CEP131: variants seen among roughly 807,000 people sequenced by gnomAD.
The protein encoded by CEP131 is centrosomal protein of 131 kDa.
CEP131 carries 99 observed loss-of-function variants against 136.8 expected under a neutral mutation model. The ratio of observed to expected loss-of-function variants is 0.72; its 90% CI spans 0.62 to 0.86. The LOEUF (loss-of-function observed/expected upper bound fraction) is 0.86, where lower values mean the gene tolerates loss of function less well. Ranked by LOEUF, CEP131 falls within the 40% of genes least tolerant of loss-of-function variation. The pLI, the probability that CEP131 is intolerant of heterozygous loss-of-function variation, is 0.00. For missense variants in CEP131, 1,459 were observed against 1,463.0 expected, an observed-to-expected ratio of 1.00 and a Z score of 0.04; for synonymous variants, 646 against 612.7, an observed-to-expected ratio of 1.05 and a Z score of -0.80.
At position 81,195,834 on chromosome 17, in the gene CEP131, C is replaced by A; in HGVS notation, c.2016+1G>T. On this transcript the variant is annotated splice_donor_variant, in intron 16 of 25. Coordinates refer to ENST00000450824, the MANE Select transcript of CEP131 (RefSeq NM_014984.4). LOFTEE classifies it high-confidence loss of function. ...CCGTGCAGTAGGGAGCAAAGCCTCA[C>A]CAGCTCGTGCTGCGCCTGTGCCTGG... 1.2e-6 allele frequency: 2 copies of A among 1,602,168 alleles called. No homozygotes were observed. Among genetic ancestry groups the A allele is most frequent in the Non-Finnish European group, 1.7e-6 (2 of 1,179,516 alleles).
Position 81,207,171 on chromosome 17 carries a change from C to A in CEP131, c.341G>T (p.Ser114Ile). The change falls in exon 4 of 26, where the codon AGC (serine) becomes ATC (isoleucine). Residue 114 changes from serine to isoleucine, a missense_variant. This residue lies in a region of CEP131 where 187 missense variants were observed against 179.9 expected (regional missense o/e 1.04). Transcript: ENST00000450824. The stretch of plus-strand genomic sequence containing the variant: ...CTTCTCGCTGGGGGCTGTGCTCAGG[C>A]TGGCAGGCCTCTTTTTCCCACTGGG... ...GSPSGKKRPA[S>I]LSTAPSEKGA... is the part of the protein sequence containing the mutation. 5 of 1,613,774 alleles carry A rather than the reference C, an allele frequency of 3.1e-6. No homozygotes were observed. Among genetic ancestry groups the A allele is most frequent in the Non-Finnish European group, 4.2e-6 (5 of 1,179,932 alleles).
chr17:81,202,493 G>A (rs2061915292), intron 6 of CEP131, 95 bp from the exon 7 acceptor site: 2 of 1,433,684 alleles, frequency 1.4e-6, no homozygotes, highest in Non-Finnish European at 1.9e-6. Context: ...TCCCAGGACT[G>A]AGCCTGGAAG....
intron 21 of CEP131, 128 bp from the exon 22 acceptor site, chr17:81,191,463 C>A (rs2061640651): frequency 1.2e-6 from 1 of 838,180 alleles, no homozygotes; most frequent in African/African-American, 1.7e-5. Flanking sequence ...TCCCCCTCTC[C>A]AGACCCCTGT....
intron 2 of CEP131, among the ~76,000 whole-genome samples, chr17:81,212,301 G>A (rs1391705387): frequency 3.6e-5 from 5 of 138,504 alleles, no homozygotes; most frequent in African/African-American, 1.3e-4. Flanking sequence ...CAGCCTGGGC[G>A]ACAGAGCAAG....
rs1276237734 is a variant in CEP131 at position 81,207,112 on chromosome 17, T to G, written c.387+13A>C. ...ACAGAGACCAGGACGTGGGGCCGCA[T>G]GCACCACCTTACCAGGACGTTCCAG... On this transcript the variant is annotated intron_variant, in intron 4 of 25. Coordinates refer to ENST00000450824, the MANE Select transcript of CEP131 (RefSeq NM_014984.4). 8 of 1,605,324 alleles carry G rather than the reference T, an allele frequency of 5.0e-6. No individual in the cohort carries two copies. In the African/African-American group the frequency reaches 1.1e-4, roughly 22 times the overall value.
intron 24 of CEP131, among the ~76,000 whole-genome samples, chr17:81,190,342 C>T (rs1042364474): frequency 6.6e-5 from 10 of 152,188 alleles, no homozygotes; most frequent in East Asian, 1.9e-4. Flanking sequence ...AGCGCCTGTC[C>T]ACCCAGCCCA....
At chr17:81,198,446 A>C (rs2146556254) in intron 11 of CEP131, 149 bp from the exon 12 acceptor site, 1 of 823,598 alleles carries the variant, frequency 1.2e-6, no homozygotes, top group Middle Eastern at 3.7e-4. Context: ...CAGGGCTCAG[A>C]CCTTCCCACC....
chr17:81,205,266 AAAAC>A (rs1282759315), intron 5 of CEP131, among the ~76,000 whole-genome samples: 3 of 151,830 alleles, frequency 2.0e-5, no homozygotes, highest in South Asian at 4.2e-4. Context: ...CTCAAAAACA[AAAAC>A]AAACAAACAA....
intron 22 of CEP131, 43 bp from the exon 23 acceptor site, chr17:81,191,127 C>T (rs772201366): frequency 3.7e-6 from 6 of 1,604,138 alleles, no homozygotes; most frequent in East Asian, 2.2e-5. Flanking sequence ...CCCAGTCACA[C>T]ACGGGTCCTT....
intron 5 of CEP131, among the ~76,000 whole-genome samples, chr17:81,204,472 A>G (rs2061961082): frequency 6.6e-6 from 1 of 152,088 alleles, no homozygotes; most frequent in African/African-American, 2.4e-5. Context: ...GTAGGTGGGG[A>G]TACTCAACAA....
Position 81,192,795 on chromosome 17 carries a change from C to T in CEP131, c.2370G>A (p.Arg790=). Residue 790 remains arginine (R), a synonymous_variant, in exon 19 of 26, where the codon CGG becomes CGA. Transcript: ENST00000450824. ...CAGCCACCTCACTGTACAGCCGCTG[C>T]CGTTGCTGCTGCAGCGCCCACTGCT... ...EQEQWALQQQ[R]QRLYSEVAEE... is the part of the protein sequence containing the mutation. The T allele has an allele frequency of 6.3e-7, 1 of 1,598,494 alleles. No homozygotes were observed. The highest frequency in any genetic ancestry group is 8.5e-7 in the Non-Finnish European group (1 of 1,179,058).
rs1048516791 is a variant in CEP131, at chr17:81,203,262, G to A, written c.629+232C>T. ...CGACCCAAGAACAGAAGAGGGCGGC[G>A]GACGTGGATGGGGAGCCCGGTTCAC... is the stretch of plus-strand genomic sequence containing the variant. On this transcript the variant is annotated intron_variant, in intron 6 of 25. Coordinates refer to ENST00000450824, the MANE Select transcript of CEP131 (RefSeq NM_014984.4). This position sits in a 1 kb window ranked among gnomAD's most constrained non-coding sequence, Gnocchi z 4.6. Among the ~76,000 whole-genome samples the A allele has an allele frequency of 2.0e-5, 3 of 152,204 alleles. No homozygotes were observed. The highest frequency in any genetic ancestry group is 4.8e-5 in the African/African-American group (2 of 41,448).
At chr17:81,210,786 T>C (rs886538857) in intron 2 of CEP131, among the ~76,000 whole-genome samples, 18 of 146,920 alleles carry the variant, frequency 1.2e-4, no homozygotes, top group Admixed American at 2.7e-4. Flanking sequence ...TATTTTTAAA[T>C]CTGAATCCTT....
Position 81,194,951 on chromosome 17 carries a change from A to G in CEP131, c.2038T>C (p.Leu680=). Residue 680 remains leucine, a synonymous_variant, in exon 17 of 26, where the codon TTA becomes CTA. Transcript: ENST00000450824. The part of the protein sequence containing the change: ...HELEIKKLKE[L]MSATEKARRE... ...CGGGCTTTCTCGGTGGCGCTCATTA[A>G]TTCTTTGAGTTTTTTAATCTCCTAC... 2 of 1,547,016 alleles carry G rather than the reference A, an allele frequency of 1.3e-6. No individual in the cohort carries two copies. Among genetic ancestry groups the G allele is most frequent in the East Asian group, 2.3e-5 (1 of 42,912 alleles).
At chr17:81,214,297 G>GT (rs1309643060) in intron 2 of CEP131, among the ~76,000 whole-genome samples, 1 of 152,230 alleles carries the variant, frequency 6.6e-6, no homozygotes, top group Non-Finnish European at 1.5e-5. Context: ...GCTCACGCCT[G>GT]TAAGCCCAGC....
intron 6 of CEP131, 28 bp from the exon 7 acceptor site, chr17:81,202,426 T>A: frequency 1.2e-6 from 2 of 1,605,914 alleles, no homozygotes; most frequent in East Asian, 2.2e-5. Flanking sequence ...AACACCCTCG[T>A]CTCACCGCCC....
chr17:81,192,620 G>C, intron 19 of CEP131, 27 bp from the exon 20 acceptor site: 1 of 1,591,702 alleles, frequency 6.3e-7, no homozygotes, highest in Non-Finnish European at 8.5e-7. Flanking sequence ...GTCAGCAGGT[G>C]AGGGGTCATC....
In CEP131 at chr17:81,196,822, T is replaced by C. The variant is rs1436597282; in HGVS notation, c.1778A>G (p.Gln593Arg). 11 of 1,595,188 alleles carry C rather than the reference T, an allele frequency of 6.9e-6. No homozygotes were observed. The highest frequency in any genetic ancestry group is 1.3e-5 in the African/African-American group (1 of 74,706). The change falls in exon 15 of 26, where the codon CAG becomes CGG. Residue 593 changes from glutamine to arginine, a missense_variant. By Grantham distance (43) the Gln-to-Arg change is conservative. This residue lies in a region of CEP131 where 1,026 missense variants were observed against 964.2 expected (regional missense o/e 1.06). Transcript: ENST00000450824. ...AMLLLQRALA[Q>R]QRDLTARRVK... ...CCGCCGGGCCGTGAGGTCTCGCTGC[T>C]GCGCCTGCAGGGTGTGGGCAGAGGA...
chr17:81,204,392 G>A (rs928054713), intron 5 of CEP131, among the ~76,000 whole-genome samples: 3 of 152,096 alleles, frequency 2.0e-5, no homozygotes, highest in Non-Finnish European at 4.4e-5. Context: ...GCCAGGACTC[G>A]AACCCTGGGG....
Sources: allele counts gnomAD v4.1 joint callset (sites outside exome capture counted in the v4.1 genomes callset), GRCh38; gene constraint gnomAD v4.1.1; regional missense constraint gnomAD v4.1.1; non-coding constraint Gnocchi (gnomAD v3.1); transcripts MANE v1.5; gene names NCBI Gene and HGNC (gene_info 2026-07-23, HGNC 2026-07-21).